ZCCHC14: variants seen among roughly 807,000 people sequenced by gnomAD.
The protein encoded by ZCCHC14 is zinc finger CCHC-type containing 14.
In ZCCHC14, 16 loss-of-function variants were observed where a neutral mutation model predicts 85.0. That is an observed-to-expected ratio of 0.19 (90% CI 0.13 to 0.29). The LOEUF (loss-of-function observed/expected upper bound fraction) is 0.29, where lower values mean the gene tolerates loss of function less well. Among genes scored for constraint, ZCCHC14 ranks in the 10% least tolerant of loss-of-function variants. The pLI, the probability that ZCCHC14 is intolerant of heterozygous loss-of-function variation, is 1.00. For missense variants in ZCCHC14, 1,303 were observed against 1,443.5 expected (o/e 0.90, Z 1.58); for synonymous variants, 775 against 630.7 (o/e 1.23, Z -3.43).
chr16:87,456,827 AG>A (rs1173860181), intron 2 of ZCCHC14, among the ~76,000 whole-genome samples: 2 of 152,226 alleles, frequency 1.3e-5, no homozygotes, highest in African/African-American at 4.8e-5. Context: ...AAGAGTGCAA[AG>A]GGGTCCTAAG....
Position 87,407,882 on chromosome 16 carries a change from C to A in ZCCHC14, c.*2398G>T, listed in dbSNP as rs118035774. On this transcript the variant is annotated 3_prime_UTR_variant, in exon 13 of 13. Coordinates refer to ENST00000671377, the MANE Select transcript of ZCCHC14 (RefSeq NM_015144.3). The stretch of plus-strand genomic sequence containing the variant: ...TCAAGTCCAAGTGTGCGGCTCCCTC[C>A]GGAAAGAGGCCTCACGGATGGGTGG... 0.02 allele frequency: 2,999 copies of A among 152,782 alleles called. 34 individuals are homozygous for A. The highest frequency in any genetic ancestry group is 0.044 in the Middle Eastern group (13 of 294). 9.5% of individuals were successfully genotyped at this position (152,782 alleles called of 1,614,324 possible). A position where few individuals can be genotyped will look rare whatever the true frequency, so the allele number is the denominator to read the frequency against.
chr16:87,420,464 G>A lies in ZCCHC14; in HGVS notation c.950+143C>T, dbSNP rs1416948586. On this transcript the variant is annotated intron_variant, in intron 5 of 12. Coordinates refer to ENST00000671377, the MANE Select transcript of ZCCHC14 (RefSeq NM_015144.3). The surrounding 1 kb of genome is among the most constrained non-coding windows in gnomAD (Gnocchi z 5.0). ...GCTCCCGAATCCTCCAGAACTAATGGAAATCCCTAGAGGCCAAGTAGAGAC... is the reference window on the plus strand; with the variant it reads ...GCTCCCGAATCCTCCAGAACTAATGAAAATCCCTAGAGGCCAAGTAGAGAC... 3 of 603,286 alleles carry A rather than the reference G, an allele frequency of 5.0e-6. No individual in the cohort carries two copies. Among genetic ancestry groups the A allele is most frequent in the Non-Finnish European group, 8.5e-6 (3 of 351,074 alleles). 37.4% of individuals were successfully genotyped at this position (603,286 alleles called of 1,614,324 possible).
intron 2 of ZCCHC14, among the ~76,000 whole-genome samples, chr16:87,448,484 G>A (rs1428677686): frequency 1.3e-5 from 2 of 152,102 alleles, no homozygotes; most frequent in Non-Finnish European, 2.9e-5. Flanking sequence ...TTCTTCCCGT[G>A]CGTACTGAAC....
At chr16:87,490,466 T>C (rs555465760) in intron 1 of ZCCHC14, among the ~76,000 whole-genome samples, 6 of 152,234 alleles carry the variant, frequency 3.9e-5, no homozygotes, top group Non-Finnish European at 8.8e-5. Context: ...CAGCAAAATT[T>C]TGGCACTGGA....
At chr16:87,461,682 A>T (rs908862349) in intron 1 of ZCCHC14, among the ~76,000 whole-genome samples, 6 of 152,200 alleles carry the variant, frequency 3.9e-5, no homozygotes, top group Non-Finnish European at 8.8e-5. Flanking sequence ...GACCTCAGAC[A>T]GGATGAAAGT....
chr16:87,453,340 C>G (rs1197133648), intron 2 of ZCCHC14, among the ~76,000 whole-genome samples: 1 of 152,260 alleles, frequency 6.6e-6, no homozygotes, highest in Admixed American at 6.5e-5. Context: ...AAACACCCCT[C>G]TGAAGTCACT....
intron 2 of ZCCHC14, among the ~76,000 whole-genome samples, chr16:87,458,713 C>T (rs958130571): frequency 2.6e-5 from 4 of 152,086 alleles, no homozygotes; most frequent in Non-Finnish European, 4.4e-5. Flanking sequence ...CGGTGCGGGG[C>T]GGTTGGGGGA....
intron 3 of ZCCHC14, among the ~76,000 whole-genome samples, chr16:87,428,847 A>C (rs1167356490): frequency 6.6e-6 from 1 of 152,242 alleles, no homozygotes; most frequent in Non-Finnish European, 1.5e-5. Flanking sequence ...AGATTCGTGC[A>C]TATGGCTGAG....
At chr16:87,456,305 C>T (rs184676558) in intron 2 of ZCCHC14, among the ~76,000 whole-genome samples, 57 of 151,974 alleles carry the variant, frequency 3.8e-4, no homozygotes, top group African/African-American at 1.2e-3. Flanking sequence ...CCGAGGCGGG[C>T]GGATCACGAG....
At chr16:87,484,354 T>A (rs1223091128) in intron 1 of ZCCHC14, among the ~76,000 whole-genome samples, 1 of 152,220 alleles carries the variant, frequency 6.6e-6, no homozygotes, top group Non-Finnish European at 1.5e-5. Flanking sequence ...TTTAAAACCT[T>A]TCTTCACTGA....
In ZCCHC14 at chr16:87,412,001, T is replaced by C. The variant is rs754984337; in HGVS notation, c.2720A>G (p.Gln907Arg). The C allele has an allele frequency of 1.2e-6, 2 of 1,609,548 alleles. No homozygotes were observed. Among genetic ancestry groups the C allele is most frequent in the Non-Finnish European group, 1.7e-6 (2 of 1,179,760 alleles). Residue 907 changes from glutamine to arginine, a missense_variant, in exon 12 of 13, where the codon CAG (glutamine) becomes CGG (arginine). By Grantham distance (43) the Gln-to-Arg change is conservative. Coordinates refer to ENST00000671377, the MANE Select transcript of ZCCHC14 (RefSeq NM_015144.3). ...GGGCTGCGGGGGTGCCGGGGGCTGC[T>C]GATGGTGGTGGTGGTGGTGGTGGTT... is the stretch of plus-strand genomic sequence containing the variant. Reference protein sequence around the residue: ...NPNHHHHHHHQQPPAPPQPAP... With the variant: ...NPNHHHHHHHRQPPAPPQPAP...
intron 1 of ZCCHC14, among the ~76,000 whole-genome samples, chr16:87,481,542 T>G (rs7499131): frequency 0.35 from 974 of 2,772 alleles, 50 homozygotes; most frequent in South Asian, 0.5. Context: ...GGGGGGGGGG[T>G]GGGGGGGGGG....
intron 10 of ZCCHC14, among the ~76,000 whole-genome samples, chr16:87,413,961 C>T (rs543833334): frequency 6.6e-6 from 1 of 152,320 alleles, no homozygotes; most frequent in South Asian, 2.1e-4. Flanking sequence ...GCCAACTGTC[C>T]CTTCGATTTT....
intron 2 of ZCCHC14, among the ~76,000 whole-genome samples, chr16:87,456,488 G>A (rs1010830776): frequency 1.6e-5 from 2 of 124,668 alleles, no homozygotes; most frequent in African/African-American, 5.8e-5. Context: ...AGCTGTGATT[G>A]CGCCACTGCA....
Position 87,412,970 on chromosome 16 carries a change from T to C in ZCCHC14, c.1751A>G (p.Glu584Gly). The C allele has an allele frequency of 6.2e-7, 1 of 1,611,754 alleles. No homozygotes were observed. ...CTTGTCAGAGCTCTCCAAGTGAATCTCCACACCTAGAGAGGGAAACAAGAG... is the reference window on the plus strand; with the variant it reads ...CTTGTCAGAGCTCTCCAAGTGAATCCCCACACCTAGAGAGGGAAACAAGAG... ...DSAEENDRRV[E>G]IHLESSDKEK... Residue 584 changes from glutamate (E) to glycine (G), a missense_variant, in exon 12 of 13, where the codon GAG (glutamate) becomes GGG (glycine). Physicochemically the swap from Glu to Gly is moderately conservative, Grantham distance 98. Coordinates refer to ENST00000671377, the MANE Select transcript of ZCCHC14 (RefSeq NM_015144.3).
intron 10 of ZCCHC14, among the ~76,000 whole-genome samples, chr16:87,413,562 A>G (rs1482382770): frequency 6.7e-6 from 1 of 149,506 alleles, no homozygotes; most frequent in Non-Finnish European, 1.5e-5. Flanking sequence ...CTTAAAATCC[A>G]TCCTGCCAGG....
chr16:87,434,326 G>C (rs529898319), intron 2 of ZCCHC14, among the ~76,000 whole-genome samples: 2 of 152,220 alleles, frequency 1.3e-5, no homozygotes, highest in East Asian at 3.9e-4. Context: ...ATCCAGCGCT[G>C]AAGTTTCTCA....
intron 2 of ZCCHC14, among the ~76,000 whole-genome samples, chr16:87,459,073 G>C (rs908344692): frequency 3.2e-4 from 48 of 152,218 alleles, no homozygotes; most frequent in Admixed American, 1.2e-3. Flanking sequence ...ACACGGCAGA[G>C]GCTGGCGTGC....
chr16:87,475,195 A>G (rs1177302918), intron 1 of ZCCHC14, among the ~76,000 whole-genome samples: 2 of 152,220 alleles, frequency 1.3e-5, no homozygotes, highest in Non-Finnish European at 2.9e-5. Flanking sequence ...CAGAAAGGCA[A>G]AGGGACTTAG....
Sources: allele counts gnomAD v4.1 joint callset (sites outside exome capture counted in the v4.1 genomes callset), GRCh38; gene constraint gnomAD v4.1.1; non-coding constraint Gnocchi (gnomAD v3.1); transcripts MANE v1.5; gene names NCBI Gene and HGNC (gene_info 2026-07-23, HGNC 2026-07-21).